PRIM2: variants seen among roughly 807,000 people sequenced by gnomAD.
PRIM2 encodes DNA primase subunit 2, also known as DNA primase large subunit.
A neutral mutation model predicts 67.3 loss-of-function variants in PRIM2; 39 were observed. The ratio of observed to expected loss-of-function variants is 0.58; its 90% CI spans 0.45 to 0.76. The LOEUF (loss-of-function observed/expected upper bound fraction) is 0.76, where lower values mean the gene tolerates loss of function less well. Ranked by LOEUF, PRIM2 falls within the 30% of genes least tolerant of loss-of-function variation. The pLI is 0.00. For synonymous variants in PRIM2, 143 were observed against 198.7 expected (o/e 0.72, Z 2.36); for missense variants, 398 against 598.7 (o/e 0.66, Z 3.50).
At chr6:57,284,459 C>T in the PRIM2 span, among the ~76,000 whole-genome samples, 4 of 152,250 alleles carry the variant, frequency 2.6e-5, no homozygotes, top group African/African-American at 9.6e-5. Context: ...TCAAGTAATA[C>T]ATAGTTACTC....
chr6:57,636,767 T>TA (rs1313097534), intron 13 of PRIM2, among the ~76,000 whole-genome samples: 1 of 152,188 alleles, frequency 6.6e-6, no homozygotes, highest in Non-Finnish European at 1.5e-5. Context: ...AGTCAGGGGC[T>TA]TATAGATAAA....
At chr6:57,433,383 TC>T (rs1437641488) in intron 7 of PRIM2, among the ~76,000 whole-genome samples, 2 of 107,968 alleles carry the variant, frequency 1.9e-5, no homozygotes, top group Non-Finnish European at 3.7e-5. Context: ...ATGCTATCCC[TC>T]CCCCCTCCCC....
chr6:57,567,172 A>C (rs1775760406), intron 10 of PRIM2, among the ~76,000 whole-genome samples: 1 of 152,220 alleles, frequency 6.6e-6, no homozygotes, highest in Non-Finnish European at 1.5e-5. Context: ...TAGAAAAAAA[A>C]ATATTGTAAT....
intron 13 of PRIM2, among the ~76,000 whole-genome samples, chr6:57,633,903 A>G (rs1200645837): frequency 6.6e-6 from 1 of 152,200 alleles, no homozygotes; most frequent in Non-Finnish European, 1.5e-5. Flanking sequence ...CCCAATTCCT[A>G]ACGGGCCGTG....
At chr6:57,223,892 G>A in the PRIM2 span, among the ~76,000 whole-genome samples, 2 of 152,028 alleles carry the variant, frequency 1.3e-5, no homozygotes, top group Non-Finnish European at 1.5e-5. Flanking sequence ...AAAATGGTAC[G>A]GCCACTATGG....
intron 7 of PRIM2, among the ~76,000 whole-genome samples, chr6:57,464,526 C>T (rs1027983206): frequency 1.3e-5 from 2 of 152,096 alleles, no homozygotes; most frequent in Non-Finnish European, 1.5e-5. Flanking sequence ...CTGCCCACCT[C>T]GACCCCCCAG....
At position 57,457,001 on chromosome 6, in the gene PRIM2, C is replaced by T. The variant is rs1161358514; in HGVS notation, c.694-50386C>T. ...TTCTTTCTGTTTGTTAGTTTTCCTTCTAACAGTCAGGACCCTCAGCTGCAG... is the reference window on the plus strand; with the variant it reads ...TTCTTTCTGTTTGTTAGTTTTCCTTTTAACAGTCAGGACCCTCAGCTGCAG... On this transcript the variant is annotated intron_variant, in intron 7 of 13. Coordinates refer to ENST00000615550, the MANE Select transcript of PRIM2 (RefSeq NM_000947.5). Among the ~76,000 whole-genome samples the T allele has an allele frequency of 7.8e-3, 1,188 of 152,330 alleles. 14 individuals are homozygous for T. Among genetic ancestry groups the T allele is most frequent in the African/African-American group, 0.027 (1,132 of 41,578 alleles).
intron 8 of PRIM2, among the ~76,000 whole-genome samples, chr6:57,514,735 C>T (rs1554348049): frequency 2.0e-5 from 3 of 151,940 alleles, no homozygotes; most frequent in Non-Finnish European, 4.4e-5. Flanking sequence ...AGAATCAGCC[C>T]GTTGTGTTAA....
chr6:57,575,050 G>A (rs1377207127), intron 10 of PRIM2, among the ~76,000 whole-genome samples: 24 of 152,118 alleles, frequency 1.6e-4, no homozygotes, highest in African/African-American at 5.1e-4. Flanking sequence ...TCGTACCCTA[G>A]AGTCAGGTAT....
At chr6:57,359,317 A>C (rs1769124227) in intron 5 of PRIM2, among the ~76,000 whole-genome samples, 1 of 152,188 alleles carries the variant, frequency 6.6e-6, no homozygotes, top group Non-Finnish European at 1.5e-5. Context: ...GTAACTAGTA[A>C]TTGCCATGCT....
At chr6:57,485,592 CAGAGT>C (rs1463291059) in intron 7 of PRIM2, among the ~76,000 whole-genome samples, 1 of 152,118 alleles carries the variant, frequency 6.6e-6, no homozygotes, top group Non-Finnish European at 1.5e-5. Context: ...GTCTCTAAGA[CAGAGT>C]AGAAGCTATG....
the PRIM2 span, among the ~76,000 whole-genome samples, chr6:57,292,825 T>C: frequency 6.6e-6 from 1 of 152,200 alleles, no homozygotes; most frequent in African/African-American, 2.4e-5. Flanking sequence ...TTACACCTTA[T>C]AGAAAAATTA....
At chr6:57,409,328 A>G (rs1280563571) in intron 7 of PRIM2, among the ~76,000 whole-genome samples, 2 of 151,944 alleles carry the variant, frequency 1.3e-5, no homozygotes, top group Non-Finnish European at 2.9e-5. Context: ...GGTGCCCACC[A>G]CCGCACCGGC....
intron 10 of PRIM2, among the ~76,000 whole-genome samples, chr6:57,598,348 A>G (rs1163112483): frequency 8.5e-4 from 130 of 152,318 alleles, no homozygotes; most frequent in African/African-American, 2.1e-3. Flanking sequence ...GTCATTTGCC[A>G]TACTCTAAAA....
chr6:57,237,688 C>G, the PRIM2 span, among the ~76,000 whole-genome samples: 34 of 152,264 alleles, frequency 2.2e-4, no homozygotes, highest in African/African-American at 7.7e-4. Flanking sequence ...TTCCCCATTT[C>G]TTGTTTTTCT....
chr6:57,235,483 A>AAAATGCTT, the PRIM2 span, among the ~76,000 whole-genome samples: 1 of 152,236 alleles, frequency 6.6e-6, no homozygotes, highest in African/African-American at 2.4e-5. Context: ...AAAAATGAAA[A>AAAATGCTT]AAATGCTTAA....
At chr6:57,271,750 C>G in the PRIM2 span, among the ~76,000 whole-genome samples, 3 of 152,146 alleles carry the variant, frequency 2.0e-5, no homozygotes, top group Admixed American at 6.6e-5. Flanking sequence ...TTCCTGCTTT[C>G]TCTTGTGGGC....
intron 4 of PRIM2, 89 bp downstream of exon 4, chr6:57,324,369 A>C (rs17653532): frequency 0.029 from 20,699 of 704,486 alleles, 403 homozygotes; most frequent in Middle Eastern, 0.049. Context: ...TGCTAAACAT[A>C]GGAAAACCCA....
chr6:57,267,497 C>CACTGT, the PRIM2 span, among the ~76,000 whole-genome samples: 1 of 152,036 alleles, frequency 6.6e-6, no homozygotes, highest in Non-Finnish European at 1.5e-5. Context: ...TTTAGTCCAG[C>CACTGT]ACTGTACTAA....
Sources: allele counts gnomAD v4.1 joint callset (sites outside exome capture counted in the v4.1 genomes callset), GRCh38; gene constraint gnomAD v4.1.1; transcripts MANE v1.5; gene names NCBI Gene and HGNC (gene_info 2026-07-23, HGNC 2026-07-21).